Variants in PRKAR1A observed in about 807,000 individuals in gnomAD.
The protein encoded by PRKAR1A is protein kinase cAMP-dependent type I regulatory subunit alpha, also known as cAMP-dependent protein kinase type I-alpha regulatory subunit.
A neutral mutation model predicts 52.0 loss-of-function variants in PRKAR1A; 3 were observed. The observed-to-expected ratio is 0.06, with a 90% CI of 0.03 to 0.15. The LOEUF is 0.15. Among genes scored for constraint, PRKAR1A ranks in the 10% least tolerant of loss-of-function variants. The pLI is 1.00. For synonymous variants in PRKAR1A, 188 were observed against 168.4 expected, an observed-to-expected ratio of 1.12 and a Z score of -0.90; for missense variants, 240 against 477.4, an observed-to-expected ratio of 0.50 and a Z score of 4.63.
the PRKAR1A span, among the ~76,000 whole-genome samples, chr17:68,486,529 C>T: frequency 8.1e-6 from 1 of 123,214 alleles, no homozygotes; most frequent in Non-Finnish European, 1.7e-5. Flanking sequence ...TTCTTTCTTT[C>T]TTTCTTTCTT....
the PRKAR1A span, among the ~76,000 whole-genome samples, chr17:68,503,438 A>G: frequency 6.6e-6 from 1 of 152,258 alleles, no homozygotes; most frequent in Non-Finnish European, 1.5e-5. Flanking sequence ...ACTTGGAAGC[A>G]AACGAGATGT....
At chr17:68,429,956 A>G in the PRKAR1A span, 13 of 1,610,462 alleles carry the variant, frequency 8.1e-6, no homozygotes, top group African/African-American at 5.4e-5. Flanking sequence ...TACATTGACG[A>G]AAGTGTGGTC....
chr17:68,415,365 C>A, the PRKAR1A span, among the ~76,000 whole-genome samples: 2 of 152,118 alleles, frequency 1.3e-5, no homozygotes, highest in Non-Finnish European at 2.9e-5. Context: ...CAGTTTTATT[C>A]CACTGTGGTC....
At chr17:68,454,885 A>G in the PRKAR1A span, among the ~76,000 whole-genome samples, 108,559 of 151,932 alleles carry the variant, frequency 0.71, 39,247 homozygotes, top group South Asian at 0.78. Context: ...TGAGAAAATC[A>G]CAGAGTGATG....
intron 2 of PRKAR1A, among the ~76,000 whole-genome samples, chr17:68,517,831 C>G (rs2085481223): frequency 6.6e-6 from 1 of 152,202 alleles, no homozygotes; most frequent in South Asian, 2.1e-4. Flanking sequence ...TCCAAAGTCT[C>G]ATCTGAGGCA....
the PRKAR1A span, among the ~76,000 whole-genome samples, chr17:68,454,220 C>T: frequency 2.0e-5 from 3 of 152,330 alleles, no homozygotes; most frequent in Non-Finnish European, 2.9e-5. Context: ...CAGCTGTGCC[C>T]TCCGCACCTA....
At chr17:68,434,711 G>T in the PRKAR1A span, 2 of 1,380,892 alleles carry the variant, frequency 1.4e-6, no homozygotes, top group Non-Finnish European at 1.0e-6. Flanking sequence ...TGTTTTATTG[G>T]TTTTGAACAT....
downstream of PRKAR1A, chr17:68,537,661 A>G: frequency 6.2e-7 from 1 of 1,613,868 alleles, no homozygotes; most frequent in Non-Finnish European, 8.5e-7. This position sits in a 1 kb window ranked among gnomAD's most constrained non-coding sequence, Gnocchi z 4.2. Context: ...GTCTTCCAGC[A>G]GTGATTCTCG....
At chr17:68,414,383 T>C in the PRKAR1A span, among the ~76,000 whole-genome samples, 2 of 152,250 alleles carry the variant, frequency 1.3e-5, no homozygotes, top group Admixed American at 1.3e-4. Context: ...TGAAACCCCC[T>C]TGATTATGGT....
At chr17:68,416,870 C>A in the PRKAR1A span, among the ~76,000 whole-genome samples, 1 of 152,154 alleles carries the variant, frequency 6.6e-6, no homozygotes, top group Non-Finnish European at 1.5e-5. Context: ...TCTCCCTTCA[C>A]TTCTTGTATT....
intron 2 of PRKAR1A, among the ~76,000 whole-genome samples, chr17:68,516,704 A>G (rs1373723565): frequency 2.7e-5 from 4 of 150,324 alleles, no homozygotes; most frequent in African/African-American, 7.3e-5. Flanking sequence ...TAAAATTTGT[A>G]TTTAGTACCA....
the PRKAR1A span, among the ~76,000 whole-genome samples, chr17:68,429,179 C>T: frequency 1.3e-5 from 2 of 151,526 alleles, no homozygotes; most frequent in African/African-American, 2.4e-5. Context: ...GTAGATGCTG[C>T]GACCCTGCGA....
At chr17:68,451,868 CTT>C in the PRKAR1A span, among the ~76,000 whole-genome samples, 1 of 152,224 alleles carries the variant, frequency 6.6e-6, no homozygotes, top group African/African-American at 2.4e-5. Flanking sequence ...GCTTTGGTAT[CTT>C]TCTGAGCACA....
chr17:68,464,097 C>A, the PRKAR1A span, among the ~76,000 whole-genome samples: 1 of 152,170 alleles, frequency 6.6e-6, no homozygotes, highest in African/African-American at 2.4e-5. Context: ...CAGTCATAAA[C>A]AAGGCCAGCA....
the PRKAR1A span, among the ~76,000 whole-genome samples, chr17:68,474,633 C>T: frequency 2.0e-5 from 3 of 152,316 alleles, no homozygotes; most frequent in African/African-American, 7.2e-5. Context: ...CAGTGGCTCA[C>T]ACCTGTAATC....
At chr17:68,546,214 CAA>C (rs2086558299) in intron 11 of PRKAR1A, among the ~76,000 whole-genome samples, 1 of 145,492 alleles carries the variant, frequency 6.9e-6, no homozygotes, top group African/African-American at 2.6e-5. Context: ...TCTATCTGTT[CAA>C]GTTTGATCAT....
the PRKAR1A span, chr17:68,451,008 C>A: frequency 7.1e-7 from 1 of 1,416,176 alleles, no homozygotes; most frequent in Non-Finnish European, 9.4e-7. Flanking sequence ...TTCTCCGGGT[C>A]TTGCCGGCCA....
At chr17:68,547,652 C>G (rs1311233787) in intron 11 of PRKAR1A, among the ~76,000 whole-genome samples, 2 of 152,224 alleles carry the variant, frequency 1.3e-5, no homozygotes, top group Non-Finnish European at 2.9e-5. Flanking sequence ...CCTGTCTCAG[C>G]CTTCATTGAG....
chr17:68,469,159 C>T, the PRKAR1A span, among the ~76,000 whole-genome samples: 1 of 152,164 alleles, frequency 6.6e-6, no homozygotes, highest in South Asian at 2.1e-4. Context: ...ATTTATCCCA[C>T]ACCAAAACAG....
Sources: gnomAD v4.1 joint callset for allele counts (sites outside exome capture counted in the v4.1 genomes callset) on GRCh38, gnomAD v4.1.1 for gene constraint, Gnocchi (gnomAD v3.1) non-coding constraint, MANE v1.5 for transcripts, NCBI Gene and HGNC (gene_info 2026-07-23, HGNC 2026-07-21) for gene names.